The following MAP2 variants were observed in gnomAD, a reference collection of about 807,000 sequenced individuals.
The protein encoded by MAP2 is microtubule-associated protein 2.
In MAP2, 14 loss-of-function variants were observed where a neutral mutation model predicts 137.6. That is an observed-to-expected ratio of 0.10 (90% CI 0.07 to 0.16). The LOEUF (loss-of-function observed/expected upper bound fraction) is 0.16, where lower values mean the gene tolerates loss of function less well. Among genes scored for constraint, MAP2 ranks in the 10% least tolerant of loss-of-function variants. The pLI is 1.00. For synonymous variants in MAP2, 786 were observed against 782.3 expected, an observed-to-expected ratio of 1.00 and a Z score of -0.08; for missense variants, 2,088 against 2,191.5, an observed-to-expected ratio of 0.95 and a Z score of 0.94.
chr2:209,480,825 A>T (rs1031062911), intron 1 of MAP2, among the ~76,000 whole-genome samples: 1 of 152,102 alleles, frequency 6.6e-6, no homozygotes, highest in East Asian at 1.9e-4. Context: ...TACCATTGTA[A>T]TCATTAGCTT....
At chr2:209,464,614 C>T (rs573109944) in intron 1 of MAP2, among the ~76,000 whole-genome samples, 2 of 152,070 alleles carry the variant, frequency 1.3e-5, no homozygotes, top group South Asian at 4.1e-4. Context: ...TGATTGATTC[C>T]AGTCCAGCAT....
At chr2:209,601,685 A>G (rs1267825735) in intron 3 of MAP2, among the ~76,000 whole-genome samples, 1 of 152,190 alleles carries the variant, frequency 6.6e-6, no homozygotes, top group African/African-American at 2.4e-5. Flanking sequence ...GGGTTTCATC[A>G]GTAATGATTC....
chr2:209,644,382 G>T (rs1226800588), intron 4 of MAP2, among the ~76,000 whole-genome samples: 1 of 151,854 alleles, frequency 6.6e-6, no homozygotes, highest in African/African-American at 2.4e-5. Context: ...TTTTTCATAT[G>T]CACCGGAGCA....
chr2:209,513,667 T>TG (rs1171963329), intron 2 of MAP2, among the ~76,000 whole-genome samples: 1 of 152,094 alleles, frequency 6.6e-6, no homozygotes, highest in Admixed American at 6.6e-5. Flanking sequence ...ATCCAATACT[T>TG]GTTCTTTAAG....
At chr2:209,540,367 C>T (rs1050648031) in intron 2 of MAP2, among the ~76,000 whole-genome samples, 8 of 151,390 alleles carry the variant, frequency 5.3e-5, no homozygotes, top group African/African-American at 1.7e-4. Flanking sequence ...GGCGCGGTCG[C>T]TCACACCTGT....
At chr2:209,539,711 C>CTT in intron 2 of MAP2, among the ~76,000 whole-genome samples, 1 of 150,102 alleles carries the variant, frequency 6.7e-6, no homozygotes, top group East Asian at 1.9e-4. Flanking sequence ...TAACAATCTG[C>CTT]TTTTTTTTTA....
intron 4 of MAP2, among the ~76,000 whole-genome samples, chr2:209,648,588 C>G (rs1329973737): frequency 7.8e-6 from 1 of 127,494 alleles, no homozygotes; most frequent in Non-Finnish European, 1.6e-5. Context: ...ATAAGGCGGC[C>G]AAGACGGTGA....
Position 209,693,762 on chromosome 2 carries a change from G to A in MAP2, c.1592G>A (p.Ser531Asn). 1.2e-6 allele frequency: 2 copies of A among 1,613,792 alleles called. No individual in the cohort carries two copies. The highest frequency in any genetic ancestry group is 1.7e-6 in the Non-Finnish European group (2 of 1,179,912). The change falls in exon 8 of 16, where the codon AGC becomes AAC. Residue 531 changes from serine (S) to asparagine (N), a missense_variant. By Grantham distance (46) the Ser-to-Asn change is conservative. This residue lies in a region of MAP2 where 859 missense variants were observed against 794.5 expected (regional missense o/e 1.08). Transcript: ENST00000682079. ...MTEPSALIEK[S>N]SIQELFEMRV... is the part of the protein sequence containing the mutation. Reference sequence around the variant, plus strand: ...GAACCATCTGCATTAATTGAAAAGAGCTCAATTCAGGAACTTTTTGAAATG... The same window carrying A: ...GAACCATCTGCATTAATTGAAAAGAACTCAATTCAGGAACTTTTTGAAATG...
chr2:209,517,304 G>A (rs888042070), intron 2 of MAP2, among the ~76,000 whole-genome samples: 3 of 152,040 alleles, frequency 2.0e-5, no homozygotes, highest in Non-Finnish European at 4.4e-5. Flanking sequence ...TTTTAACTTT[G>A]TGCTTAGAAA....
At chr2:209,429,715 T>A (rs1472714586) in intron 1 of MAP2, among the ~76,000 whole-genome samples, 2 of 152,150 alleles carry the variant, frequency 1.3e-5, no homozygotes, top group Non-Finnish European at 2.9e-5. Flanking sequence ...CTGACTCTAT[T>A]TGAGACAAAA....
At position 209,697,850 on chromosome 2, in the gene MAP2, C is replaced by CT. The variant is rs200397743; in HGVS notation, c.4522+808dup. 3.9e-3 allele frequency among the ~76,000 whole-genome samples: 596 copies of CT among 151,196 alleles called. 4 individuals are homozygous for CT. Among genetic ancestry groups the CT allele is most frequent in the African/African-American group, 0.013 (537 of 41,342 alleles). On this transcript the variant is annotated intron_variant, in intron 10 of 15. Transcript: ENST00000682079. ...CGGTTTATTTTTACTTTGCTGTCTACTTTTTTTTTGTTTCCCAAGACGGAA... is the reference window on the plus strand; with the variant it reads ...CGGTTTATTTTTACTTTGCTGTCTACTTTTTTTTTTGTTTCCCAAGACGGAA...
intron 3 of MAP2, among the ~76,000 whole-genome samples, chr2:209,583,879 G>A (rs959863289): frequency 2.0e-5 from 3 of 151,652 alleles, no homozygotes; most frequent in Non-Finnish European, 4.4e-5. Context: ...TGTCACCCAG[G>A]TACTGAGGAT....
At chr2:209,480,025 C>T (rs1443552231) in intron 1 of MAP2, among the ~76,000 whole-genome samples, 2 of 152,090 alleles carry the variant, frequency 1.3e-5, no homozygotes, top group East Asian at 3.9e-4. Flanking sequence ...GTTTGAGCTG[C>T]ATTTGACATT....
intron 2 of MAP2, among the ~76,000 whole-genome samples, chr2:209,577,500 A>C (rs1174120533): frequency 6.6e-6 from 1 of 152,220 alleles, no homozygotes; most frequent in Non-Finnish European, 1.5e-5. Flanking sequence ...AAACAGTAAA[A>C]TATGAAGGTC....
intron 1 of MAP2, among the ~76,000 whole-genome samples, chr2:209,470,419 C>A (rs147584742): frequency 6.6e-6 from 1 of 151,548 alleles, no homozygotes; most frequent in African/African-American, 2.4e-5. Flanking sequence ...CTCTCACAGA[C>A]TTCTCTTCTG....
intron 13 of MAP2, among the ~76,000 whole-genome samples, chr2:209,718,535 C>T (rs910249019): frequency 6.6e-6 from 1 of 151,706 alleles, no homozygotes; most frequent in Non-Finnish European, 1.5e-5. Context: ...AAAATGGGTC[C>T]AGTGACTGAA....
At chr2:209,426,771 A>G (rs1384031938) in intron 1 of MAP2, among the ~76,000 whole-genome samples, 2 of 152,214 alleles carry the variant, frequency 1.3e-5, no homozygotes, top group Non-Finnish European at 2.9e-5. Flanking sequence ...AGGGATCTTG[A>G]ACTTGGTTAG....
chr2:209,538,553 T>TTA, intron 2 of MAP2, among the ~76,000 whole-genome samples: 1 of 150,098 alleles, frequency 6.7e-6, no homozygotes, highest in African/African-American at 2.5e-5. Context: ...TTTTTTTTTT[T>TTA]CCTCTGTGTA....
chr2:209,526,572 T>C (rs954570722), intron 2 of MAP2, among the ~76,000 whole-genome samples: 1 of 145,356 alleles, frequency 6.9e-6, no homozygotes, highest in Admixed American at 6.9e-5. Flanking sequence ...GCTTAGGATA[T>C]ATGCATTTAT....
Sources: allele counts gnomAD v4.1 joint callset (sites outside exome capture counted in the v4.1 genomes callset), GRCh38; gene constraint gnomAD v4.1.1; regional missense constraint gnomAD v4.1.1; transcripts MANE v1.5; gene names NCBI Gene and HGNC (gene_info 2026-07-23, HGNC 2026-07-21).